The following SYNGR1 variants were observed in gnomAD, a reference collection of about 807,000 sequenced individuals.
SYNGR1 encodes the protein synaptogyrin-1.
SYNGR1 carries 14 observed loss-of-function variants against 26.1 expected under a neutral mutation model. The ratio of observed to expected loss-of-function variants is 0.54; its 90% confidence interval spans 0.35 to 0.84. The LOEUF is 0.84. Among genes scored for constraint, SYNGR1 ranks in the 40% least tolerant of loss-of-function variants. SYNGR1 has a pLI of 0.01. For missense variants in SYNGR1, 319 were observed against 332.9 expected (o/e 0.96, Z 0.33); for synonymous variants, 141 against 150.1 (o/e 0.94, Z 0.44).
rs1035577011 is a variant in SYNGR1, at chr22:39,382,561, C to G, written c.*647C>G. The G allele has an allele frequency of 2.6e-5, 4 of 156,400 alleles. No individual in the cohort carries two copies. The highest frequency in any genetic ancestry group is 1.2e-4 in the Admixed American group (2 of 16,356). 9.7% of individuals were successfully genotyped at this position (156,400 alleles called of 1,614,324 possible). A position where few individuals can be genotyped will look rare whatever the true frequency, so the allele number is the denominator to read the frequency against. On this transcript the variant is annotated 3_prime_UTR_variant, in exon 4 of 4. Coordinates refer to ENST00000328933, the MANE Select transcript of SYNGR1 (RefSeq NM_004711.5). ...GCCCAGGCTGCCCGACTGCAGACCACGTGCTCTTCCCTGGCCACCCACCTC... is the reference window on the plus strand; with the variant it reads ...GCCCAGGCTGCCCGACTGCAGACCAGGTGCTCTTCCCTGGCCACCCACCTC...
intron 3 of SYNGR1, 106 bp from the exon 4 acceptor site, chr22:39,381,590 T>C: frequency 8.6e-7 from 1 of 1,157,654 alleles, no homozygotes; most frequent in South Asian, 1.3e-5. Flanking sequence ...AACCCTCTCC[T>C]GCCTGTGTCC....
chr22:39,369,056 C>T (rs918135308), intron 1 of SYNGR1, among the ~76,000 whole-genome samples: 21 of 152,174 alleles, frequency 1.4e-4, no homozygotes, highest in African/African-American at 4.8e-4. Flanking sequence ...AGCAGCAGGC[C>T]TTGGATTTGA....
intron 1 of SYNGR1, among the ~76,000 whole-genome samples, chr22:39,366,920 T>C (rs1924787235): frequency 6.6e-6 from 1 of 152,158 alleles, no homozygotes; most frequent in Non-Finnish European, 1.5e-5. Context: ...CAGCCTCGCC[T>C]CTTGGTGTCT....
rs138433500 is a variant in SYNGR1, at chr22:39,374,436, G to A, written c.220G>A (p.Val74Met). The change falls in exon 2 of 4, where the codon GTG (valine) becomes ATG (methionine). Residue 74 changes from valine to methionine, a missense_variant. Val to Met is a conservative substitution (Grantham distance 21, BLOSUM62 1). Transcript: ENST00000328933. Reference protein sequence around the residue: ...NPNACSYGVAVGVLAFLTCLL... With the variant: ...NPNACSYGVAMGVLAFLTCLL... ...CAACGCCTGCAGCTATGGCGTGGCC[G>A]TGGGCGTGCTCGCCTTCCTCACCTG... 1.5e-4 allele frequency: 249 copies of A among 1,613,966 alleles called. No individual in the cohort carries two copies. Among genetic ancestry groups the A allele is most frequent in the African/African-American group, 3.3e-4 (25 of 75,056 alleles).
intron 1 of SYNGR1, among the ~76,000 whole-genome samples, chr22:39,369,855 C>G (rs1276773137): frequency 1.3e-5 from 2 of 152,218 alleles, no homozygotes; most frequent in Admixed American, 6.5e-5. Context: ...CACGGGCCAC[C>G]ACTGCCCACC....
At chr22:39,364,232 C>T (rs1166134593) in intron 1 of SYNGR1, 4 of 1,614,006 alleles carry the variant, frequency 2.5e-6, no homozygotes, top group Non-Finnish European at 1.7e-6. Context: ...GAATTCGATC[C>T]TTCATGGATA....
intron 1 of SYNGR1, among the ~76,000 whole-genome samples, chr22:39,373,813 T>C (rs1569499): frequency 0.64 from 97,042 of 152,058 alleles, 31,612 homozygotes; most frequent in East Asian, 0.99. Context: ...TCACTCCATC[T>C]ACTTGCCAGG....
chr22:39,385,059 G>C lies in SYNGR1; in HGVS notation c.*3145G>C. The C allele has an allele frequency of 2.5e-6, 1 of 398,792 alleles. No homozygotes were observed. The highest frequency in any genetic ancestry group is 4.4e-6 in the Non-Finnish European group (1 of 226,064). 24.7% of individuals were successfully genotyped at this position (398,792 alleles called of 1,614,324 possible). On this transcript the variant is annotated 3_prime_UTR_variant, in exon 4 of 4. Transcript: ENST00000328933. ...GGTGATTCTTGATCTTCAAAGCCTC[G>C]GGGATCCCAGGTTTCCCCATGTAAC...
chr22:39,367,695 C>T (rs546454808), intron 1 of SYNGR1, among the ~76,000 whole-genome samples: 3 of 152,106 alleles, frequency 2.0e-5, no homozygotes, highest in East Asian at 1.9e-4. Flanking sequence ...TGGTGGCACA[C>T]GCCTGTAATC....
chr22:39,381,875 C>G lies in SYNGR1; in HGVS notation c.663C>G (p.Phe221Leu). The change falls in exon 4 of 4, where the codon TTC (phenylalanine) becomes TTG (leucine). Residue 221 changes from phenylalanine (F) to leucine (L), a missense_variant. Phe to Leu is a conservative substitution (Grantham distance 22). Coordinates refer to ENST00000328933, the MANE Select transcript of SYNGR1 (RefSeq NM_004711.5). ...GGTYQQPANT[F>L]DTEPQGYQSQ... ...CCTACCAGCAGCCGGCCAACACCTT[C>G]GACACCGAGCCCCAGGGCTACCAGT... 1 of 1,612,834 alleles carries G rather than the reference C, an allele frequency of 6.2e-7. No individual in the cohort carries two copies. Among genetic ancestry groups the G allele is most frequent in the African/African-American group, 1.3e-5 (1 of 75,048 alleles).
intron 1 of SYNGR1, among the ~76,000 whole-genome samples, chr22:39,373,684 T>C (rs1267713318): frequency 6.6e-6 from 1 of 151,964 alleles, no homozygotes; most frequent in African/African-American, 2.4e-5. Context: ...GGTTTTGCCA[T>C]GTTGCCCAGG....
At chr22:39,369,120 C>A (rs1393198927) in intron 1 of SYNGR1, among the ~76,000 whole-genome samples, 1 of 152,178 alleles carries the variant, frequency 6.6e-6, no homozygotes, top group Non-Finnish European at 1.5e-5. Context: ...TGATCAGGAG[C>A]CTTTTCTGTT....
chr22:39,366,725 T>C (rs78034414), intron 1 of SYNGR1, among the ~76,000 whole-genome samples: 7,964 of 152,232 alleles, frequency 0.052, 697 homozygotes, highest in African/African-American at 0.18. Flanking sequence ...TGTCCCTCAC[T>C]TGGGTGCTGT....
intron 3 of SYNGR1, chr22:39,379,649 A>AC (rs1190322269): frequency 6.6e-6 from 1 of 151,122 alleles, no homozygotes. Context: ...AAAAAAGAAA[A>AC]AAAAAAAGGA....
chr22:39,358,866 CACAG>C (rs1345390836), intron 1 of SYNGR1, among the ~76,000 whole-genome samples: 1 of 152,254 alleles, frequency 6.6e-6, no homozygotes, highest in Non-Finnish European at 1.5e-5. Flanking sequence ...AACGTCCCTT[CACAG>C]ATAGAGTTTT....
In SYNGR1 at chr22:39,374,498, G is replaced by A. The variant is rs570834171; in HGVS notation, c.282G>A (p.Gln94=). 52 of 1,613,752 alleles carry A rather than the reference G, an allele frequency of 3.2e-5. 1 individual carries two copies. The South Asian group carries it at 5.1e-4, about 16-fold the overall frequency. ...LYLALDVYFP[Q]ISSVKDRKKA... ...TGGCCCTGGACGTGTACTTCCCGCA[G>A]ATCAGCAGCGTCAAGGACCGCAAGA... Residue 94 remains glutamine (Q), a synonymous_variant, in exon 2 of 4, where the codon CAG becomes CAA. Transcript: ENST00000328933.
At chr22:39,363,521 T>C (rs1255480302) in intron 1 of SYNGR1, among the ~76,000 whole-genome samples, 1 of 151,758 alleles carries the variant, frequency 6.6e-6, no homozygotes, top group Non-Finnish European at 1.5e-5. Context: ...GCCCAGCAGC[T>C]GGTGCTGGGG....
At chr22:39,378,099 GCAGAGCAATAGCCTCTCCCTT>G in intron 3 of SYNGR1, 4 of 1,178,432 alleles carry the variant, frequency 3.4e-6, no homozygotes, top group Non-Finnish European at 4.3e-6. Flanking sequence ...AGCTGTGGGT[GCAGAGCAATAGCCTCTCCCTT>G]CACAGCGGTG....
chr22:39,363,655 G>A (rs892617999), intron 1 of SYNGR1, among the ~76,000 whole-genome samples: 33 of 152,200 alleles, frequency 2.2e-4, no homozygotes, highest in Admixed American at 1.9e-3. Context: ...GCCAGCGGAG[G>A]GATTGTTGAG....
Sources: gnomAD v4.1 joint callset for allele counts (sites outside exome capture counted in the v4.1 genomes callset) on GRCh38, gnomAD v4.1.1 for gene constraint, MANE v1.5 for transcripts, NCBI Gene and HGNC (gene_info 2026-07-23, HGNC 2026-07-21) for gene names.